GABRB1: variants seen among roughly 807,000 people sequenced by gnomAD.
The protein encoded by GABRB1 is gamma-aminobutyric acid receptor subunit beta-1.
GABRB1 carries 17 observed loss-of-function variants against 51.6 expected under a neutral mutation model. That is an observed-to-expected ratio of 0.33 (90% CI 0.23 to 0.49). The LOEUF is 0.49. GABRB1 is among the 20% of genes least tolerant of loss of function. The pLI is 0.99. For missense variants in GABRB1, 410 were observed against 600.6 expected (o/e 0.68, Z 3.32); for synonymous variants, 247 against 218.9 (o/e 1.13, Z -1.14).
At chr4:47,088,028 G>T (rs1728150406) in intron 3 of GABRB1, among the ~76,000 whole-genome samples, 1 of 151,978 alleles carries the variant, frequency 6.6e-6, no homozygotes, top group Admixed American at 6.6e-5. Flanking sequence ...ATGTTAAGTT[G>T]GTATTATTTT....
chr4:47,051,819 C>G (rs1427073135), intron 3 of GABRB1, among the ~76,000 whole-genome samples: 2 of 152,090 alleles, frequency 1.3e-5, no homozygotes, highest in East Asian at 3.9e-4. Context: ...AGTCAGCCGA[C>G]TAGTAGTTAC....
Position 47,011,110 on chromosome 4 carries a change from T to C in GABRB1, c.-20+17184T>C, listed in dbSNP as rs1222617923. Among the ~76,000 whole-genome samples, 4 of 152,150 alleles carry C rather than the reference T, an allele frequency of 2.6e-5. 1 individual carries two copies. The highest frequency in any genetic ancestry group is 2.0e-4 in the Admixed American group (3 of 15,278). On this transcript the variant is annotated intron_variant, in intron 1 of 3. Transcript: ENST00000513567. Reference sequence around the variant, plus strand: ...AGCATTAGACTAGTTGCAGTTTCAATGGTAGATGAAATTCAAAGGTCAAAG... The same window carrying C: ...AGCATTAGACTAGTTGCAGTTTCAACGGTAGATGAAATTCAAAGGTCAAAG...
At chr4:47,063,377 A>G (rs559293638) in intron 3 of GABRB1, among the ~76,000 whole-genome samples, 3 of 152,342 alleles carry the variant, frequency 2.0e-5, no homozygotes, top group Non-Finnish European at 4.4e-5. Flanking sequence ...GAAAATCACC[A>G]TAACATAATA....
At chr4:47,043,423 T>A (rs1725944414) in intron 3 of GABRB1, 1 of 152,080 alleles carries the variant, frequency 6.6e-6, no homozygotes, top group African/African-American at 2.4e-5. Context: ...TTTCATAACG[T>A]GGTTCTCTGA....
intron 3 of GABRB1, among the ~76,000 whole-genome samples, chr4:47,064,514 T>C (rs1726981842): frequency 6.6e-6 from 1 of 151,838 alleles, no homozygotes; most frequent in Non-Finnish European, 1.5e-5. Context: ...GGCACATGCC[T>C]GTAATCCCAG....
intron 5 of GABRB1, among the ~76,000 whole-genome samples, chr4:47,377,409 G>T (rs571191837): frequency 6.6e-6 from 1 of 151,976 alleles, no homozygotes; most frequent in Admixed American, 6.5e-5. Context: ...GGAAGTGTTC[G>T]AAGTTTCTTC....
intron 4 of GABRB1, among the ~76,000 whole-genome samples, chr4:47,261,574 T>G (rs970776504): frequency 6.6e-6 from 1 of 152,140 alleles, no homozygotes; most frequent in African/African-American, 2.4e-5. Flanking sequence ...CATTCCATGC[T>G]CATGGGTAGG....
intron 4 of GABRB1, among the ~76,000 whole-genome samples, chr4:47,178,434 C>A (rs894012297): frequency 6.6e-6 from 1 of 152,010 alleles, no homozygotes; most frequent in Non-Finnish European, 1.5e-5. Context: ...CAGGTTTGTT[C>A]AAATGGGACA....
At chr4:47,296,176 G>A (rs1019638273) in intron 4 of GABRB1, among the ~76,000 whole-genome samples, 5 of 152,100 alleles carry the variant, frequency 3.3e-5, no homozygotes, top group African/African-American at 1.2e-4. Context: ...AAAGACCATC[G>A]AGGCTAGGAA....
At chr4:47,166,711 T>C (rs1436161694) in intron 4 of GABRB1, among the ~76,000 whole-genome samples, 1 of 152,124 alleles carries the variant, frequency 6.6e-6, no homozygotes, top group Non-Finnish European at 1.5e-5. Flanking sequence ...TGTTCAATGG[T>C]AATTATACTA....
At chr4:47,265,302 G>A (rs1198786261) in intron 4 of GABRB1, among the ~76,000 whole-genome samples, 1 of 152,006 alleles carries the variant, frequency 6.6e-6, no homozygotes, top group Non-Finnish European at 1.5e-5. Flanking sequence ...TGGCTGAAAA[G>A]TATTCCATGA....
At chr4:47,260,025 C>A (rs1013950964) in intron 4 of GABRB1, among the ~76,000 whole-genome samples, 1 of 152,144 alleles carries the variant, frequency 6.6e-6, no homozygotes, top group East Asian at 1.9e-4. Context: ...TGGGTGCATA[C>A]ATATTTAGGA....
At chr4:47,296,917 G>C (rs372751880) in intron 4 of GABRB1, among the ~76,000 whole-genome samples, 23 of 152,190 alleles carry the variant, frequency 1.5e-4, no homozygotes, top group South Asian at 1.0e-3. Flanking sequence ...GTCTCTCAGA[G>C]CACAGTGCAA....
chr4:47,274,241 A>T (rs1722987408), intron 4 of GABRB1, among the ~76,000 whole-genome samples: 1 of 152,266 alleles, frequency 6.6e-6, no homozygotes, highest in African/African-American at 2.4e-5. Context: ...TCTAATAGGG[A>T]TTTTATGCAG....
At chr4:47,417,270 G>A (rs2110064437) in intron 8 of GABRB1, among the ~76,000 whole-genome samples, 1 of 151,416 alleles carries the variant, frequency 6.6e-6, no homozygotes, top group South Asian at 2.1e-4. Context: ...CCTTATTTTT[G>A]TTTTTTGTTT....
chr4:47,009,130 C>T (rs946066217), intron 1 of GABRB1, among the ~76,000 whole-genome samples: 1 of 150,304 alleles, frequency 6.7e-6, no homozygotes, highest in African/African-American at 2.4e-5. Context: ...TCCCAAAGTG[C>T]TGGGATTACA....
At chr4:47,189,107 G>T (rs1421717248) in intron 4 of GABRB1, among the ~76,000 whole-genome samples, 2 of 151,948 alleles carry the variant, frequency 1.3e-5, no homozygotes, top group South Asian at 4.1e-4. Context: ...GGAAGATTAA[G>T]AAATAGAGAT....
intron 3 of GABRB1, among the ~76,000 whole-genome samples, chr4:47,130,425 G>C (rs1044119173): frequency 6.6e-6 from 1 of 150,634 alleles, no homozygotes; most frequent in African/African-American, 2.4e-5. Context: ...GGAAAATTCA[G>C]CTCCTGGAAA....
intron 4 of GABRB1, among the ~76,000 whole-genome samples, chr4:47,284,115 A>AG (rs1723411487): frequency 6.6e-6 from 1 of 151,716 alleles, no homozygotes; most frequent in African/African-American, 2.4e-5. Flanking sequence ...AAAAAAAAAA[A>AG]AAAAAGGAAG....
Sources: gnomAD v4.1 joint callset for allele counts (sites outside exome capture counted in the v4.1 genomes callset) on GRCh38, gnomAD v4.1.1 for gene constraint, MANE v1.5 for transcripts, NCBI Gene and HGNC (gene_info 2026-07-23, HGNC 2026-07-21) for gene names.